Variants in DERL3 observed in about 807,000 individuals in gnomAD.
DERL3 encodes the protein derlin 3.
Under a neutral mutation model 23.8 loss-of-function variants are expected in DERL3, and 20 were observed. The ratio of observed to expected loss-of-function variants is 0.84; its 90% confidence interval spans 0.59 to 1.22. DERL3 has a LOEUF of 1.22. DERL3 is among the 50% of genes most tolerant of loss of function. The probability of loss-of-function intolerance (pLI) is 0.00; values close to 1 mark genes in which losing one functional copy is unlikely to be tolerated. For synonymous variants in DERL3, 145 were observed against 132.5 expected (o/e 1.09, Z -0.65); for missense variants, 319 against 304.1 (o/e 1.05, Z -0.36).
chr22:23,838,898 C>G lies in DERL3; in HGVS notation c.90G>C (p.Ala30=). 6.4e-7 allele frequency: 1 copy of G among 1,563,974 alleles called. No homozygotes were observed. The highest frequency in any genetic ancestry group is 1.2e-5 in the South Asian group (1 of 85,236). Residue 30 remains alanine (A), a synonymous_variant, in exon 1 of 7, where the codon GCG becomes GCC. Coordinates refer to ENST00000318109, the MANE Select transcript of DERL3 (RefSeq NM_001002862.3). ...YTAACVLTTA[A]VQLELLSPFQ... ...TCCGGTCCGCCCGGCCGCTTACCAC[C>G]GCGGCGGTGGTGAGGACACAGGCTG...
In DERL3 at chr22:23,835,083, T is replaced by C; in HGVS notation, c.*1786A>G. 5 of 1,395,702 alleles carry C rather than the reference T, an allele frequency of 3.6e-6. No individual in the cohort carries two copies. The highest frequency in any genetic ancestry group is 4.6e-6 in the Non-Finnish European group (5 of 1,077,874). The allele number at this position is 1,395,702 out of a possible 1,614,324, so 86.5% of individuals were successfully genotyped here. On this transcript the variant is annotated 3_prime_UTR_variant, in exon 7 of 7. Transcript: ENST00000318109. Reference sequence around the variant, plus strand: ...GCTGTGGCCTGGGCCAGCTCCTGCCTTACAAGCCAGCTGTGAGGAATATGG... The same window carrying C: ...GCTGTGGCCTGGGCCAGCTCCTGCCCTACAAGCCAGCTGTGAGGAATATGG...
Position 23,834,933 on chromosome 22 carries a change from C to T in DERL3, c.*1936G>A, listed in dbSNP as rs2030922972. On this transcript the variant is annotated 3_prime_UTR_variant, in exon 7 of 7. Transcript: ENST00000318109. The stretch of plus-strand genomic sequence containing the variant: ...TGGGGCCTTGCTGCTCTGAAGTCCC[C>T]TGCGGAGGGCCCAGTCCTGTGTGGG... 1 of 1,606,480 alleles carries T rather than the reference C, an allele frequency of 6.2e-7. No individual in the cohort carries two copies. The highest frequency in any genetic ancestry group is 1.3e-5 in the African/African-American group (1 of 74,870).
In DERL3 at chr22:23,836,623, CT is replaced by C; in HGVS notation, c.*245del. ...GTTTCTTTGCCCTCTGTGGGCACCC[CT>C]ATCCTACCACCTGCAGTTGGGCTGA... On this transcript the variant is annotated 3_prime_UTR_variant, in exon 7 of 7. Coordinates refer to ENST00000318109, the MANE Select transcript of DERL3 (RefSeq NM_001002862.3). The C allele has an allele frequency of 4.9e-6, 6 of 1,229,872 alleles. No homozygotes were observed. Among genetic ancestry groups the C allele is most frequent in the Non-Finnish European group, 5.1e-6 (5 of 988,894 alleles). The allele number at this position is 1,229,872 out of a possible 1,614,324, so 76.2% of individuals were successfully genotyped here.
chr22:23,838,921 C>A lies in DERL3; in HGVS notation c.67G>T (p.Ala23Ser). 1 of 1,574,608 alleles carries A rather than the reference C, an allele frequency of 6.4e-7. No homozygotes were observed. Among genetic ancestry groups the A allele is most frequent in the African/African-American group, 1.3e-5 (1 of 74,432 alleles). ...VPAVTRAYTA[A>S]CVLTTAAVQL... ...ACCGCGGCGGTGGTGAGGACACAGG[C>A]TGCGGTGTAAGCCCGCGTCACCGCC... Residue 23 changes from alanine to serine, a missense_variant, in exon 1 of 7, where the codon GCC (alanine) becomes TCC (serine). Transcript: ENST00000318109.
At position 23,834,904 on chromosome 22, in the gene DERL3, C is replaced by T. The variant is rs1277304128; in HGVS notation, c.*1965G>A. 3 of 1,611,494 alleles carry T rather than the reference C, an allele frequency of 1.9e-6. No individual in the cohort carries two copies. The highest frequency in any genetic ancestry group is 2.7e-5 in the African/African-American group (2 of 74,924). On this transcript the variant is annotated 3_prime_UTR_variant, in exon 7 of 7. Transcript: ENST00000318109. ...TGTGTCCAGATGGTCAGGCTACTGC[C>T]AGCTGGGGCCTTGCTGCTCTGAAGT...
chr22:23,836,932 G>A lies in DERL3; in HGVS notation c.645C>T (p.Asp215=), dbSNP rs768515569. ...LKLLLDAPAE[D]PNYLPLPEEQ... Reference sequence around the variant, plus strand: ...CCTCAGGGAGGGGCAGGTAATTGGGGTCTTCTGCAGGGGCATCCAGGAGCA... The same window carrying A: ...CCTCAGGGAGGGGCAGGTAATTGGGATCTTCTGCAGGGGCATCCAGGAGCA... The change falls in exon 7 of 7, where the codon GAC becomes GAT. Residue 215 remains aspartate, a synonymous_variant. Coordinates refer to ENST00000318109, the MANE Select transcript of DERL3 (RefSeq NM_001002862.3). 16 of 1,564,512 alleles carry A rather than the reference G, an allele frequency of 1.0e-5. No individual in the cohort carries two copies. The African/African-American group carries it at 1.9e-4, about 19-fold the overall frequency.
chr22:23,836,661 G>T lies in DERL3; in HGVS notation c.*208C>A. ...TGCAGTTGGGCTGAGAGGCCACACT[G>T]AGTGAGGACGGGGCAGGCATAGAAG... On this transcript the variant is annotated 3_prime_UTR_variant, in exon 7 of 7. Coordinates refer to ENST00000318109, the MANE Select transcript of DERL3 (RefSeq NM_001002862.3). 1 of 1,267,696 alleles carries T rather than the reference G, an allele frequency of 7.9e-7. No homozygotes were observed. The highest frequency in any genetic ancestry group is 9.9e-7 in the Non-Finnish European group (1 of 1,012,182). 78.5% of individuals were successfully genotyped at this position (1,267,696 alleles called of 1,614,324 possible).
intron 2 of DERL3, 21 bp downstream of exon 2, chr22:23,838,690 C>T: frequency 6.5e-7 from 1 of 1,547,588 alleles, no homozygotes. Context: ...CCCACAGGTG[C>T]GCGGCGCGGG....
In DERL3 at chr22:23,835,481, G is replaced by A. The variant is rs1401787849; in HGVS notation, c.*1388C>T. 1 of 985,762 alleles carries A rather than the reference G, an allele frequency of 1.0e-6. No homozygotes were observed. 61.1% of individuals were successfully genotyped at this position (985,762 alleles called of 1,614,324 possible). On this transcript the variant is annotated 3_prime_UTR_variant, in exon 7 of 7. Transcript: ENST00000318109. ...AGAGGCAGAGCTCTGATTAGGGATT[G>A]GGGTTCTTGGTCGCTGAGATGTGAG... is the stretch of plus-strand genomic sequence containing the variant.
intron 5 of DERL3, 127 bp from the exon 6 acceptor site, chr22:23,837,281 G>C: frequency 5.7e-6 from 7 of 1,231,852 alleles, no homozygotes; most frequent in Non-Finnish European, 8.0e-6. Context: ...GTGCCCCAAA[G>C]CCTTGCACAG....
Position 23,837,853 on chromosome 22 carries a change from A to G in DERL3, c.329T>C (p.Leu110Pro). The G allele has an allele frequency of 6.2e-7, 1 of 1,610,802 alleles. No individual in the cohort carries two copies. The highest frequency in any genetic ancestry group is 8.5e-7 in the Non-Finnish European group (1 of 1,178,112). ...MFLFGGVLMT[L>P]LGLLGSLFFL... ...GAACAGGCTGCCCAGGAGTCCCAGC[A>G]GCTGGGCCAGAGTCAAGGTGCTCCG... Residue 110 changes from leucine (L) to proline (P), a missense_variant and splice_region_variant, in exon 5 of 7, where the codon CTG (leucine) becomes CCG (proline). Leu to Pro is a moderately conservative substitution (Grantham distance 98, BLOSUM62 -3). Coordinates refer to ENST00000318109, the MANE Select transcript of DERL3 (RefSeq NM_001002862.3).
In DERL3 at chr22:23,837,717, A is replaced by G. The variant is rs751245845; in HGVS notation, c.465T>C (p.Pro155=). The change falls in exon 5 of 7, where the codon CCT becomes CCC. Residue 155 remains proline (P), a synonymous_variant. Transcript: ENST00000318109. ...GLLTFQAPFL[P]WALMGFSLLL... ...GCAGCGAGAAGCCCATGAGCGCCCA[A>G]GGCAGGAACGGTGCCTGGAAAGTGA... The G allele has an allele frequency of 3.7e-6, 6 of 1,614,010 alleles. No homozygotes were observed. The highest frequency in any genetic ancestry group is 3.3e-5 in the South Asian group (3 of 91,086).
chr22:23,836,541 T>C lies in DERL3; in HGVS notation c.*328A>G. Reference sequence around the variant, plus strand: ...AACCCTGAGCCTGTCACCTGTGAGCTCAAAAGCTCTGCCTGGCAACCTGTG... The same window carrying C: ...AACCCTGAGCCTGTCACCTGTGAGCCCAAAAGCTCTGCCTGGCAACCTGTG... On this transcript the variant is annotated 3_prime_UTR_variant, in exon 7 of 7. Coordinates refer to ENST00000318109, the MANE Select transcript of DERL3 (RefSeq NM_001002862.3). The C allele has an allele frequency of 1.9e-6, 2 of 1,058,444 alleles. No homozygotes were observed. Among genetic ancestry groups the C allele is most frequent in the Non-Finnish European group, 1.1e-6 (1 of 878,724 alleles). 65.6% of individuals were successfully genotyped at this position (1,058,444 alleles called of 1,614,324 possible). A position where few individuals can be genotyped will look rare whatever the true frequency, so the allele number is the denominator to read the frequency against.
At chr22:23,838,039 C>CGTGT in intron 4 of DERL3, 185 bp from the exon 5 acceptor site, 1 of 1,384,144 alleles carries the variant, frequency 7.2e-7, no homozygotes, top group South Asian at 1.4e-5. Flanking sequence ...GCCCTGCACA[C>CGTGT]CTACAGCCTC....
At chr22:23,837,584 G>A in intron 5 of DERL3, 75 bp downstream of exon 5, 1 of 1,487,422 alleles carries the variant, frequency 6.7e-7, no homozygotes, top group Admixed American at 2.0e-5. Flanking sequence ...ATGGGAGAGG[G>A]GCCCCAGGGC....
At chr22:23,838,663 G>C in intron 2 of DERL3, 26 bp from the exon 3 acceptor site, 2 of 1,547,310 alleles carry the variant, frequency 1.3e-6, no homozygotes, top group Non-Finnish European at 1.7e-6. Flanking sequence ...GGTCAGGTGC[G>C]GGGTGGGTGG....
At position 23,836,579 on chromosome 22, in the gene DERL3, T is replaced by C; in HGVS notation, c.*290A>G. On this transcript the variant is annotated 3_prime_UTR_variant, in exon 7 of 7. Coordinates refer to ENST00000318109, the MANE Select transcript of DERL3 (RefSeq NM_001002862.3). ...CTGGCAACCTGTGAGCTCAAAGCTC[T>C]GCCAGGCAACCATGGGCAGTTTCTT... 8.8e-7 allele frequency: 1 copy of C among 1,140,580 alleles called. No individual in the cohort carries two copies. Among genetic ancestry groups the C allele is most frequent in the African/African-American group, 1.6e-5 (1 of 61,922 alleles). 70.7% of individuals were successfully genotyped at this position (1,140,580 alleles called of 1,614,324 possible).
chr22:23,837,227 G>A, intron 5 of DERL3, 73 bp from the exon 6 acceptor site: 4 of 1,561,514 alleles, frequency 2.6e-6, no homozygotes, highest in Non-Finnish European at 3.5e-6. Context: ...CCTGCCCCAG[G>A]CCCCCATCCA....
At chr22:23,837,229 C>A in intron 5 of DERL3, 75 bp from the exon 6 acceptor site, 2 of 1,551,500 alleles carry the variant, frequency 1.3e-6, no homozygotes, top group Non-Finnish European at 1.8e-6. Flanking sequence ...TGCCCCAGGC[C>A]CCCATCCACA....
Sources: allele counts gnomAD v4.1 joint callset, GRCh38; gene constraint gnomAD v4.1.1; transcripts MANE v1.5; gene names NCBI Gene and HGNC (gene_info 2026-07-23, HGNC 2026-07-21).